Variants in RNF2 observed in about 807,000 individuals in gnomAD.
RNF2 encodes the protein ring finger protein 2, also known as E3 ubiquitin-protein ligase RING2.
RNF2 carries 6 observed loss-of-function variants against 37.2 expected under a neutral mutation model. The ratio of observed to expected loss-of-function variants is 0.16; its 90% CI spans 0.09 to 0.32. The LOEUF (loss-of-function observed/expected upper bound fraction) is 0.32. RNF2 is among the 10% of genes least tolerant of loss of function. The probability of loss-of-function intolerance (pLI) is 1.00; values close to 1 mark genes in which losing one functional copy is unlikely to be tolerated. For synonymous variants in RNF2, 133 were observed against 132.7 expected (o/e 1.00, Z -0.02); for missense variants, 251 against 404.0 (o/e 0.62, Z 3.25).
At chr1:185,072,292 T>C (rs987221361) in intron 1 of RNF2, among the ~76,000 whole-genome samples, 10 of 152,182 alleles carry the variant, frequency 6.6e-5, no homozygotes, top group African/African-American at 2.4e-4. Context: ...AATGTTGAGG[T>C]TGCCTAATTT....
chr1:185,053,700 C>A (rs537216517), intron 1 of RNF2, among the ~76,000 whole-genome samples: 1 of 152,048 alleles, frequency 6.6e-6, no homozygotes, highest in African/African-American at 2.4e-5. Context: ...TACTAGAAGG[C>A]AGGGATTTTA....
chr1:185,089,112 A>C (rs377222723), intron 2 of RNF2, among the ~76,000 whole-genome samples: 1 of 152,184 alleles, frequency 6.6e-6, no homozygotes, highest in Non-Finnish European at 1.5e-5. Context: ...ATCATCAGGC[A>C]TTAGATTATA....
chr1:185,093,342 A>G (rs975457142), intron 4 of RNF2, 66 bp downstream of exon 4: 14 of 1,472,614 alleles, frequency 9.5e-6, no homozygotes, highest in Non-Finnish European at 1.3e-5. Context: ...AATTAAATTT[A>G]CTTTTTGAAA....
chr1:185,098,790 T>A (rs1263557999), intron 5 of RNF2, among the ~76,000 whole-genome samples: 1 of 152,098 alleles, frequency 6.6e-6, no homozygotes, highest in African/African-American at 2.4e-5. Context: ...CCTTGCTCTG[T>A]CGCCAGGCTG....
At chr1:185,070,917 G>C (rs1228680730) in intron 1 of RNF2, among the ~76,000 whole-genome samples, 1 of 152,058 alleles carries the variant, frequency 6.6e-6, no homozygotes, top group Non-Finnish European at 1.5e-5. Context: ...GATTACAGGC[G>C]TGAGCCACTG....
Position 185,083,012 on chromosome 1 carries a change from A to G in RNF2, c.-2-4540A>G, listed in dbSNP as rs553574553. Among the ~76,000 whole-genome samples, 5 of 152,208 alleles carry G rather than the reference A, an allele frequency of 3.3e-5. No homozygotes were observed. In the South Asian group the frequency reaches 1.0e-3, roughly 31 times the overall value. On this transcript the variant is annotated intron_variant, in intron 1 of 6. Transcript: ENST00000367510. ...CCTAATATCTACAAAGAAGCTGGCC[A>G]TCTATATTTATACATGGTTCACCTC... is the stretch of plus-strand genomic sequence containing the variant.
chr1:185,076,956 G>A (rs1008545270), intron 1 of RNF2, among the ~76,000 whole-genome samples: 18 of 151,996 alleles, frequency 1.2e-4, no homozygotes, highest in African/African-American at 4.1e-4. Context: ...ATACATATGT[G>A]TACATTAATT....
chr1:185,047,207 A>G (rs1650145092), intron 1 of RNF2, among the ~76,000 whole-genome samples: 1 of 152,356 alleles, frequency 6.6e-6, no homozygotes, highest in Non-Finnish European at 1.5e-5. Flanking sequence ...GGTTAATTAT[A>G]GTAGAGGCAG....
chr1:185,062,456 G>A (rs1367038305), intron 1 of RNF2, among the ~76,000 whole-genome samples: 1 of 152,062 alleles, frequency 6.6e-6, no homozygotes, highest in African/African-American at 2.4e-5. Context: ...TAACTTATCA[G>A]TGGAGAAGAG....
chr1:185,078,996 G>T (rs1013686820), intron 1 of RNF2, among the ~76,000 whole-genome samples: 2 of 151,956 alleles, frequency 1.3e-5, no homozygotes, highest in Admixed American at 6.6e-5. Context: ...GTCCCTAAAA[G>T]ATCATTCTGA....
At chr1:185,077,182 ATTAG>A (rs944661952) in intron 1 of RNF2, among the ~76,000 whole-genome samples, 4 of 151,686 alleles carry the variant, frequency 2.6e-5, no homozygotes, top group African/African-American at 4.8e-5. Flanking sequence ...ACTGCTTTTT[ATTAG>A]TTCTAATAGT....
chr1:185,053,202 A>G (rs193267480), intron 1 of RNF2, among the ~76,000 whole-genome samples: 30 of 152,190 alleles, frequency 2.0e-4, no homozygotes, highest in Non-Finnish European at 3.2e-4. Context: ...TATTGTTATT[A>G]TTCCCATAAA....
intron 1 of RNF2, among the ~76,000 whole-genome samples, chr1:185,050,980 T>A (rs1650252794): frequency 6.6e-6 from 1 of 152,240 alleles, no homozygotes; most frequent in South Asian, 2.1e-4. Flanking sequence ...CACTCTTTGT[T>A]GTCTTTTTTT....
chr1:185,050,649 C>G (rs79412434), intron 1 of RNF2, among the ~76,000 whole-genome samples: 1,998 of 152,272 alleles, frequency 0.013, 68 homozygotes, highest in Admixed American at 0.07. Flanking sequence ...TCATTTCTTC[C>G]TTCCAAGGTC....
Position 185,100,211 on chromosome 1 carries a change from C to T in RNF2, c.921C>T (p.Gly307=). The T allele has an allele frequency of 1.9e-6, 3 of 1,599,392 alleles. No individual in the cohort carries two copies. The highest frequency in any genetic ancestry group is 1.1e-5 in the South Asian group (1 of 87,172). ...CTTTTTTGTTTTAGGTATTAAATGG[C>T]TCTTTTTCTTTGGAATTGGTCAGTG... ...TASGQFTVLN[G]SFSLELVSEK... Residue 307 remains glycine, a synonymous_variant, in exon 7 of 7, where the codon GGC becomes GGT. Coordinates refer to ENST00000367510, the MANE Select transcript of RNF2 (RefSeq NM_007212.4).
chr1:185,078,162 G>A (rs1317669905), intron 1 of RNF2, among the ~76,000 whole-genome samples: 4 of 152,264 alleles, frequency 2.6e-5, no homozygotes, highest in East Asian at 3.9e-4. Context: ...CTGGAGAATC[G>A]CTTGAACCTG....
chr1:185,061,239 T>A (rs1332006508), intron 1 of RNF2, among the ~76,000 whole-genome samples: 1 of 151,408 alleles, frequency 6.6e-6, no homozygotes, highest in East Asian at 1.9e-4. Flanking sequence ...GCCATTCTCC[T>A]GCCTCAGCCT....
intron 1 of RNF2, among the ~76,000 whole-genome samples, chr1:185,083,851 C>A (rs1651500822): frequency 2.7e-5 from 4 of 150,524 alleles, no homozygotes; most frequent in Non-Finnish European, 5.9e-5. Context: ...AAGTGATCTA[C>A]CTGTCTCGGC....
intron 1 of RNF2, among the ~76,000 whole-genome samples, chr1:185,070,257 TAAAA>T (rs945038769): frequency 1.3e-5 from 2 of 151,922 alleles, no homozygotes; most frequent in African/African-American, 4.8e-5. Flanking sequence ...CTTTGCAGAT[TAAAA>T]AAAAGCCTTA....
Sources: allele counts gnomAD v4.1 joint callset (sites outside exome capture counted in the v4.1 genomes callset), GRCh38; gene constraint gnomAD v4.1.1; transcripts MANE v1.5; gene names NCBI Gene and HGNC (gene_info 2026-07-23, HGNC 2026-07-21).